PPFIA1: variants seen among roughly 807,000 people sequenced by gnomAD.
PPFIA1 encodes PPFI scaffold protein A1.
Under a neutral mutation model 149.9 loss-of-function variants are expected in PPFIA1, and 25 were observed. The observed-to-expected ratio is 0.17, with a 90% confidence interval of 0.12 to 0.23. The LOEUF is 0.23. Ranked by LOEUF, PPFIA1 falls within the 10% of genes least tolerant of loss-of-function variation. The probability of loss-of-function intolerance (pLI) is 1.00; values close to 1 mark genes in which losing one functional copy is unlikely to be tolerated. For missense variants in PPFIA1, 1,362 were observed against 1,506.5 expected, an observed-to-expected ratio of 0.90 and a Z score of 1.59; for synonymous variants, 549 against 552.8, an observed-to-expected ratio of 0.99 and a Z score of 0.10.
At position 70,354,414 on chromosome 11, in the gene PPFIA1, G is replaced by A; in HGVS notation, c.2277G>A (p.Leu759=). Reference sequence around the variant, plus strand: ...TAGACCGGCTGCACAAAGGGGCGCTGCACACCGTCAGCCACGAGGACATCA... The same window carrying A: ...TAGACCGGCTGCACAAAGGGGCGCTACACACCGTCAGCCACGAGGACATCA... ...LRLDRLHKGA[L]HTVSHEDIRD... is the part of the protein sequence containing the mutation. The change falls in exon 17 of 28, where the codon CTG becomes CTA. Residue 759 remains leucine (L), a synonymous_variant. Coordinates refer to ENST00000253925, the MANE Select transcript of PPFIA1 (RefSeq NM_003626.5). 6.2e-7 allele frequency: 1 copy of A among 1,613,956 alleles called. No homozygotes were observed. Among genetic ancestry groups the A allele is most frequent in the Non-Finnish European group, 8.5e-7 (1 of 1,179,980 alleles).
chr11:70,358,870 C>G (rs1054229195), intron 19 of PPFIA1, among the ~76,000 whole-genome samples: 2 of 152,314 alleles, frequency 1.3e-5, no homozygotes, highest in Admixed American at 1.3e-4. Context: ...GCTTTGATAG[C>G]GCATAGTGCC....
At chr11:70,286,528 G>A (rs1369280663) in intron 2 of PPFIA1, among the ~76,000 whole-genome samples, 2 of 152,158 alleles carry the variant, frequency 1.3e-5, no homozygotes, top group African/African-American at 4.8e-5. Context: ...TGGGATTACA[G>A]GCGTGAGCCA....
At chr11:70,297,949 C>T (rs1488917559) in intron 2 of PPFIA1, among the ~76,000 whole-genome samples, 5 of 152,200 alleles carry the variant, frequency 3.3e-5, no homozygotes, top group African/African-American at 9.7e-5. Flanking sequence ...ATGATAAAAC[C>T]CTTGACAGCT....
intron 21 of PPFIA1, chr11:70,364,603 A>C (rs1488824095): frequency 6.6e-6 from 1 of 152,106 alleles, no homozygotes; most frequent in African/African-American, 2.4e-5. Context: ...TTAATGAACA[A>C]ATTATGGTGA....
rs574299936 is a variant in PPFIA1, at chr11:70,378,353, C to A, written c.3550+158C>A. On this transcript the variant is annotated intron_variant, in intron 26 of 27. Coordinates refer to ENST00000253925, the MANE Select transcript of PPFIA1 (RefSeq NM_003626.5). ...ATAAATGTTTTTAAATTAACTCTAACATTTGTTTATAAAAGTTTAACCATA... is the reference window on the plus strand; with the variant it reads ...ATAAATGTTTTTAAATTAACTCTAAAATTTGTTTATAAAAGTTTAACCATA... 34 of 1,308,798 alleles carry A rather than the reference C, an allele frequency of 2.6e-5. No individual in the cohort carries two copies. The East Asian group carries it at 8.0e-4, about 31-fold the overall frequency. The allele number at this position is 1,308,798 out of a possible 1,614,324, so 81.1% of individuals were successfully genotyped here.
chr11:70,337,256 T>G (rs1222475437), intron 11 of PPFIA1, 109 bp from the exon 12 acceptor site: 8 of 723,254 alleles, frequency 1.1e-5, no homozygotes, highest in Non-Finnish European at 1.5e-5. Context: ...TGTGCTCTTT[T>G]ACTCCGTTCC....
At chr11:70,291,229 C>A (rs1000667473) in intron 2 of PPFIA1, among the ~76,000 whole-genome samples, 5 of 152,194 alleles carry the variant, frequency 3.3e-5, no homozygotes, top group African/African-American at 7.2e-5. Flanking sequence ...CTAGTGCAGT[C>A]TCTTCCACCT....
intron 11 of PPFIA1, among the ~76,000 whole-genome samples, chr11:70,337,124 G>A (rs2055027510): frequency 6.6e-6 from 1 of 152,200 alleles, no homozygotes; most frequent in South Asian, 2.1e-4. Flanking sequence ...CTTGCACCAT[G>A]AACTTGACAT....
At position 70,270,844 on chromosome 11, in the gene PPFIA1, G is replaced by C. The variant is rs2050024817; in HGVS notation, c.-71G>C. On this transcript the variant is annotated 5_prime_UTR_variant, in exon 1 of 28. Coordinates refer to ENST00000253925, the MANE Select transcript of PPFIA1 (RefSeq NM_003626.5). ...GCGGGCTGCTTTCGTCGGCTCCCAAGCTCTCCCGGAGCGAGCAGCCGCCCG... is the reference window on the plus strand; with the variant it reads ...GCGGGCTGCTTTCGTCGGCTCCCAACCTCTCCCGGAGCGAGCAGCCGCCCG... 1 of 150,480 alleles carries C rather than the reference G, an allele frequency of 6.6e-6. No homozygotes were observed. The highest frequency in any genetic ancestry group is 6.6e-5 in the Admixed American group (1 of 15,132). The allele number at this position is 150,480 out of a possible 1,614,324, so 9.3% of individuals were successfully genotyped here.
intron 2 of PPFIA1, among the ~76,000 whole-genome samples, chr11:70,302,208 G>C (rs1449826709): frequency 6.6e-6 from 1 of 152,228 alleles, no homozygotes; most frequent in Non-Finnish European, 1.5e-5. Flanking sequence ...CAAGGGGATC[G>C]TGGGGATGGC....
chr11:70,340,600 G>A (rs1361374775), intron 14 of PPFIA1, among the ~76,000 whole-genome samples: 1 of 152,108 alleles, frequency 6.6e-6, no homozygotes, highest in African/African-American at 2.4e-5. Flanking sequence ...CAGCTAGTTT[G>A]GGCCAGGCCG....
At chr11:70,291,191 C>G (rs781554206) in intron 2 of PPFIA1, among the ~76,000 whole-genome samples, 56 of 152,146 alleles carry the variant, frequency 3.7e-4, no homozygotes, top group Non-Finnish European at 6.5e-4. Context: ...CAGCCGATCT[C>G]TTGAAATCTT....
intron 2 of PPFIA1, among the ~76,000 whole-genome samples, chr11:70,295,958 T>C (rs1300252950): frequency 5.4e-5 from 8 of 148,688 alleles, no homozygotes; most frequent in African/African-American, 2.0e-4. Flanking sequence ...TCTCCTCCCT[T>C]CTCAGATGGG....
intron 24 of PPFIA1, 32 bp from the exon 25 acceptor site, chr11:70,376,498 GAA>G (rs2057497034): frequency 1.3e-6 from 2 of 1,575,988 alleles, no homozygotes; most frequent in Non-Finnish European, 8.7e-7. Flanking sequence ...TAGATTTGAT[GAA>G]AGTTTTATTT....
intron 2 of PPFIA1, among the ~76,000 whole-genome samples, chr11:70,298,742 C>CTGTG (rs1310649243): frequency 1.3e-5 from 2 of 152,156 alleles, no homozygotes; most frequent in African/African-American, 2.4e-5. Flanking sequence ...TTCTCCTGTG[C>CTGTG]TGTGACTCAC....
intron 2 of PPFIA1, among the ~76,000 whole-genome samples, chr11:70,298,186 T>C (rs1372998004): frequency 6.6e-6 from 1 of 152,252 alleles, no homozygotes; most frequent in African/African-American, 2.4e-5. Flanking sequence ...ATGTTACTTT[T>C]ATTCCTGTTC....
chr11:70,363,141 T>C (rs1407319262), intron 21 of PPFIA1: 1 of 152,220 alleles, frequency 6.6e-6, no homozygotes, highest in Non-Finnish European at 1.5e-5. Flanking sequence ...TATAGAGAAA[T>C]GCACGTATGA....
intron 2 of PPFIA1, among the ~76,000 whole-genome samples, chr11:70,314,988 G>A (rs1305338082): frequency 2.6e-5 from 4 of 152,152 alleles, no homozygotes; most frequent in African/African-American, 4.8e-5. Flanking sequence ...CAGGGGAAAT[G>A]CCAGACACTT....
intron 19 of PPFIA1, chr11:70,358,795 T>G (rs1468816455): frequency 1.3e-5 from 2 of 152,232 alleles, no homozygotes; most frequent in East Asian, 1.9e-4. Context: ...TGGGCGCGTT[T>G]GGTGCCTGGG....
Sources: gnomAD v4.1 joint callset for allele counts (sites outside exome capture counted in the v4.1 genomes callset) on GRCh38, gnomAD v4.1.1 for gene constraint, MANE v1.5 for transcripts, NCBI Gene and HGNC (gene_info 2026-07-23, HGNC 2026-07-21) for gene names.